Variants in KLRG2 observed in about 807,000 individuals in gnomAD.
The protein encoded by KLRG2 is killer cell lectin-like receptor subfamily G member 2.
In KLRG2, 39 loss-of-function variants were observed where a neutral mutation model predicts 35.4. The observed-to-expected ratio is 1.10, with a 90% CI of 0.85 to 1.44. The LOEUF (loss-of-function observed/expected upper bound fraction) is 1.44, where lower values mean the gene tolerates loss of function less well. Among genes scored for constraint, KLRG2 ranks in the 40% most tolerant of loss-of-function variants. The pLI, the probability that KLRG2 is intolerant of heterozygous loss-of-function variation, is 0.00. For missense variants in KLRG2, 632 were observed against 570.9 expected, an observed-to-expected ratio of 1.11 and a Z score of -1.09; for synonymous variants, 283 against 265.8, an observed-to-expected ratio of 1.06 and a Z score of -0.63.
rs1026447413 is a variant in KLRG2 at position 139,483,487 on chromosome 7, C to G, written c.156G>C (p.Gly52=). 6.3e-7 allele frequency: 1 copy of G among 1,596,660 alleles called. No homozygotes were observed. The highest frequency in any genetic ancestry group is 8.5e-7 in the Non-Finnish European group (1 of 1,178,248). Residue 52 remains glycine (G), a synonymous_variant, in exon 1 of 5, where the codon GGG becomes GGC. Coordinates refer to ENST00000340940, the MANE Select transcript of KLRG2 (RefSeq NM_198508.4). The part of the protein sequence containing the change: ...EGPESSPSPA[G]AVEKAAGAGL... ...CTGCGCCCGCCGCCTTCTCCACGGC[C>G]CCGGCCGGACTTGGGCTGCTTTCGG...
At chr7:139,438,037 T>C in the KLRG2 span, among the ~76,000 whole-genome samples, 1 of 152,206 alleles carries the variant, frequency 6.6e-6, no homozygotes, top group Non-Finnish European at 1.5e-5. Context: ...CGTGTTTCTT[T>C]TGGCTCTCTT....
intron 3 of KLRG2, among the ~76,000 whole-genome samples, chr7:139,469,565 C>G (rs79338935): frequency 0.074 from 11,265 of 152,096 alleles, 732 homozygotes; most frequent in East Asian, 0.38. Context: ...CTGCCTCAGA[C>G]TCTTAAGTAG....
At chr7:139,464,707 G>A (rs575664585) in intron 3 of KLRG2, among the ~76,000 whole-genome samples, 11 of 152,286 alleles carry the variant, frequency 7.2e-5, no homozygotes, top group Admixed American at 5.9e-4. Context: ...CCAGGACCGC[G>A]CCCTGTAGTC....
At chr7:139,446,844 A>C in the KLRG2 span, among the ~76,000 whole-genome samples, 1 of 152,044 alleles carries the variant, frequency 6.6e-6, no homozygotes, top group Admixed American at 6.6e-5. Context: ...TTATAAGGAC[A>C]CTTGTGATTA....
Position 139,483,393 on chromosome 7 carries a change from T to C in KLRG2, c.250A>G (p.Ser84Gly). ...TCGGGGCAGACCCCGTAGCCCAGGC[T>C]GAGCGGCGGCACGCGCGGGGACCCG... ...RPGSPRVPPL[S>G]LGYGVCPEPP... The change falls in exon 1 of 5, where the codon AGC becomes GGC. Residue 84 changes from serine to glycine, a missense_variant. Ser to Gly is a moderately conservative substitution (Grantham distance 56). Coordinates refer to ENST00000340940, the MANE Select transcript of KLRG2 (RefSeq NM_198508.4). The C allele has an allele frequency of 6.5e-7, 1 of 1,539,970 alleles. No homozygotes were observed. Among genetic ancestry groups the C allele is most frequent in the Non-Finnish European group, 8.7e-7 (1 of 1,155,654 alleles).
At chr7:139,456,832 G>A (rs1302237537) in intron 3 of KLRG2, among the ~76,000 whole-genome samples, 1 of 152,118 alleles carries the variant, frequency 6.6e-6, no homozygotes. Context: ...GTATTAGTTG[G>A]TGAACCTGGT....
chr7:139,468,641 C>T (rs542103121), intron 3 of KLRG2, among the ~76,000 whole-genome samples: 73 of 152,262 alleles, frequency 4.8e-4, no homozygotes, highest in Admixed American at 8.5e-4. Flanking sequence ...TCTCTTCACA[C>T]GGACGTGAGT....
chr7:139,442,081 G>A, the KLRG2 span, among the ~76,000 whole-genome samples: 4 of 152,166 alleles, frequency 2.6e-5, no homozygotes, highest in African/African-American at 9.7e-5. Flanking sequence ...GAGGCAGCCA[G>A]CTGAGCATAA....
At chr7:139,445,791 ATGTG>A in the KLRG2 span, among the ~76,000 whole-genome samples, 13 of 120,056 alleles carry the variant, frequency 1.1e-4, no homozygotes, top group African/African-American at 5.7e-4. Context: ...GTATATATAT[ATGTG>A]TGTATATATA....
At chr7:139,458,331 T>C (rs1796510980) in intron 3 of KLRG2, among the ~76,000 whole-genome samples, 1 of 151,776 alleles carries the variant, frequency 6.6e-6, no homozygotes, top group Non-Finnish European at 1.5e-5. Flanking sequence ...TGAGCCATGA[T>C]TGCACCACTG....
the KLRG2 span, among the ~76,000 whole-genome samples, chr7:139,446,802 C>T: frequency 2.6e-5 from 4 of 152,118 alleles, no homozygotes; most frequent in Non-Finnish European, 5.9e-5. Context: ...CCAACCTCCT[C>T]CTCCTTCACC....
At chr7:139,456,030 A>G (rs1337375622) in intron 3 of KLRG2, among the ~76,000 whole-genome samples, 1 of 152,210 alleles carries the variant, frequency 6.6e-6, no homozygotes, top group East Asian at 1.9e-4. Flanking sequence ...TGTAAAAAAA[A>G]AAAGACTACA....
rs970289546 is a variant in KLRG2, at chr7:139,454,058, G to A, written c.1109+53C>T. The A allele has an allele frequency of 2.8e-5, 31 of 1,099,056 alleles. No individual in the cohort carries two copies. In the East Asian group the frequency reaches 6.2e-4, roughly 22 times the overall value. The allele number at this position is 1,099,056 out of a possible 1,614,324, so 68.1% of individuals were successfully genotyped here. ...GCAGCAAGGAGGTGGAGTCTGGGGAGAAATGGAGGATCCAGAACAGCAGAG... is the reference window on the plus strand; with the variant it reads ...GCAGCAAGGAGGTGGAGTCTGGGGAAAAATGGAGGATCCAGAACAGCAGAG... On this transcript the variant is annotated intron_variant, in intron 4 of 4. Transcript: ENST00000340940.
intron 2 of KLRG2, 140 bp from the exon 3 acceptor site, chr7:139,479,912 G>T: frequency 9.9e-7 from 1 of 1,008,592 alleles, no homozygotes; most frequent in Non-Finnish European, 1.4e-6. Context: ...TATAGTCTGT[G>T]CAGTGCACAA....
the KLRG2 span, among the ~76,000 whole-genome samples, chr7:139,435,809 G>C: frequency 6.6e-5 from 10 of 152,244 alleles, no homozygotes; most frequent in African/African-American, 1.9e-4. Context: ...CATTGTAAGG[G>C]TGCCCCGCCG....
intron 3 of KLRG2, among the ~76,000 whole-genome samples, chr7:139,470,817 A>G (rs1324486490): frequency 6.6e-6 from 1 of 151,076 alleles, no homozygotes; most frequent in Non-Finnish European, 1.5e-5. Flanking sequence ...ATAAAATAAA[A>G]CCAGATTAGG....
chr7:139,436,554 G>A, the KLRG2 span, among the ~76,000 whole-genome samples: 3 of 136,738 alleles, frequency 2.2e-5, no homozygotes, highest in African/African-American at 3.4e-5. Flanking sequence ...GCCATGTGCC[G>A]CCATGATAAA....
At chr7:139,428,463 T>C in the KLRG2 span, among the ~76,000 whole-genome samples, 1 of 152,092 alleles carries the variant, frequency 6.6e-6, no homozygotes, top group South Asian at 2.1e-4. Flanking sequence ...CACACTATGT[T>C]TCCCAGGCTG....
At chr7:139,444,337 C>A in the KLRG2 span, among the ~76,000 whole-genome samples, 2 of 150,512 alleles carry the variant, frequency 1.3e-5, no homozygotes, top group African/African-American at 5.0e-5. Context: ...CCCACCACCA[C>A]GCCTGGCTAA....
Sources: gnomAD v4.1 joint callset for allele counts (sites outside exome capture counted in the v4.1 genomes callset) on GRCh38, gnomAD v4.1.1 for gene constraint, MANE v1.5 for transcripts, NCBI Gene and HGNC (gene_info 2026-07-23, HGNC 2026-07-21) for gene names.